The following EARS2 variants were observed in gnomAD, a reference collection of about 807,000 sequenced individuals.
EARS2 encodes the protein nondiscriminating glutamyl-tRNA synthetase EARS2, mitochondrial.
A neutral mutation model predicts 54.1 loss-of-function variants in EARS2; 50 were observed. The ratio of observed to expected loss-of-function variants is 0.92; its 90% CI spans 0.74 to 1.17. The LOEUF (loss-of-function observed/expected upper bound fraction) is 1.17. EARS2 is among the 50% of genes most tolerant of loss of function. The probability of loss-of-function intolerance (pLI) is 0.00; values close to 1 mark genes in which losing one functional copy is unlikely to be tolerated. For synonymous variants in EARS2, 298 were observed against 281.0 expected (o/e 1.06, Z -0.61); for missense variants, 673 against 675.0 (o/e 1.00, Z 0.03).
At chr16:23,552,119 G>A in intron 2 of EARS2, 30 bp downstream of exon 2, 2 of 1,604,290 alleles carry the variant, frequency 1.2e-6, no homozygotes, top group South Asian at 1.1e-5. Flanking sequence ...TTCCTTCCCT[G>A]CAGAAAGATC....
intron 2 of EARS2, 136 bp from the exon 3 acceptor site, chr16:23,544,839 CCCG>C: frequency 2.5e-6 from 2 of 810,046 alleles, no homozygotes; most frequent in Non-Finnish European, 3.7e-6. Flanking sequence ...CAATGTCCTC[CCCG>C]CCGCCTTTTT....
At chr16:23,553,768 C>T (rs1388344490) in intron 1 of EARS2, among the ~76,000 whole-genome samples, 2 of 151,860 alleles carry the variant, frequency 1.3e-5, no homozygotes, top group Admixed American at 6.6e-5. Context: ...TGGTGGTGGG[C>T]GCCTGTAATC....
At chr16:23,524,556 ACTG>A in intron 8 of EARS2, 102 bp from the exon 9 acceptor site, 1 of 959,990 alleles carries the variant, frequency 1.0e-6, no homozygotes, top group Non-Finnish European at 1.7e-6. Flanking sequence ...CAGCCCCCAC[ACTG>A]CTGCCTGTGT....
chr16:23,535,180 G>A lies in EARS2; in HGVS notation c.666C>T (p.Ser222=), dbSNP rs751626904. ...CCAGGTGGTATGTGGGGAAGCCGTC[G>A]CTCTTCATGATGACTGGGTCTCCCT... ...SVEGDPVIMK[S]DGFPTYHLAC... Residue 222 remains serine (S), a synonymous_variant, in exon 4 of 9, where the codon AGC becomes AGT. Coordinates refer to ENST00000449606, the MANE Select transcript of EARS2 (RefSeq NM_001083614.2). 47 of 1,613,574 alleles carry A rather than the reference G, an allele frequency of 2.9e-5. No individual in the cohort carries two copies. The highest frequency in any genetic ancestry group is 6.7e-5 in the African/African-American group (5 of 74,896).
chr16:23,544,887 G>T (rs568714441), intron 2 of EARS2, 184 bp from the exon 3 acceptor site: 128 of 540,930 alleles, frequency 2.4e-4, no homozygotes, highest in African/African-American at 2.3e-3. Flanking sequence ...TGTCGCCAAG[G>T]CTGGAGTGCA....
intron 3 of EARS2, among the ~76,000 whole-genome samples, chr16:23,543,552 A>G (rs1007458565): frequency 6.6e-6 from 1 of 151,964 alleles, no homozygotes; most frequent in Non-Finnish European, 1.5e-5. Context: ...TGGCCAACAC[A>G]GTGACACCCG....
At chr16:23,535,382 T>A in intron 3 of EARS2, 22 bp from the exon 4 acceptor site, 1 of 1,583,228 alleles carries the variant, frequency 6.3e-7, no homozygotes, top group Non-Finnish European at 8.5e-7. Flanking sequence ...CAGAGCAGCA[T>A]GAGTACTGTT....
At chr16:23,533,537 T>G (rs1035838013) in intron 4 of EARS2, among the ~76,000 whole-genome samples, 1 of 152,156 alleles carries the variant, frequency 6.6e-6, no homozygotes, top group Non-Finnish European at 1.5e-5. Flanking sequence ...GCTATTTATA[T>G]ATCAAGAGCC....
intron 2 of EARS2, among the ~76,000 whole-genome samples, chr16:23,548,039 GCTAACA>G (rs745582538): frequency 2.0e-5 from 3 of 151,732 alleles, no homozygotes; most frequent in Non-Finnish European, 4.4e-5. Flanking sequence ...GACCATCCTG[GCTAACA>G]CAGTGAAACC....
At chr16:23,548,638 T>C (rs1965644940) in intron 2 of EARS2, among the ~76,000 whole-genome samples, 1 of 151,998 alleles carries the variant, frequency 6.6e-6, no homozygotes, top group Non-Finnish European at 1.5e-5. Context: ...GGCTGGAGTG[T>C]AATGGCATGA....
At chr16:23,543,990 T>C (rs567309279) in intron 3 of EARS2, among the ~76,000 whole-genome samples, 1 of 152,300 alleles carries the variant, frequency 6.6e-6, no homozygotes, top group African/African-American at 2.4e-5. Context: ...TCATTATATA[T>C]ATGCAGATAT....
rs113695390 is a variant in EARS2, at chr16:23,526,803, G to T, written c.1353-1424C>A. On this transcript the variant is annotated intron_variant, in intron 7 of 8. Coordinates refer to ENST00000449606, the MANE Select transcript of EARS2 (RefSeq NM_001083614.2). ...GCAGTCCAGCTGAGCAAGATGCTCTGCCCAAAAGCTTTTGTTTCAGGAGAA... is the reference window on the plus strand; with the variant it reads ...GCAGTCCAGCTGAGCAAGATGCTCTTCCCAAAAGCTTTTGTTTCAGGAGAA... 1.9e-3 allele frequency among the ~76,000 whole-genome samples: 294 copies of T among 152,216 alleles called. 3 individuals are homozygous for T. Among genetic ancestry groups the T allele is most frequent in the African/African-American group, 7.0e-3 (290 of 41,526 alleles).
intron 3 of EARS2, among the ~76,000 whole-genome samples, chr16:23,544,168 C>T (rs1400187029): frequency 6.6e-6 from 1 of 152,178 alleles, no homozygotes; most frequent in Non-Finnish European, 1.5e-5. Flanking sequence ...GAAATGCTGG[C>T]TGCCACGCTG....
Position 23,524,468 on chromosome 16 carries a change from G to A in EARS2, c.1489-14C>T, listed in dbSNP as rs369770210. The stretch of plus-strand genomic sequence containing the variant: ...AGGAGGTCCTTGCTAAGAACAAAAA[G>A]AGCAAATATTGCCTTACTACCTTAA... On this transcript the variant is annotated splice_polypyrimidine_tract_variant and intron_variant, in intron 8 of 8. Coordinates refer to ENST00000449606, the MANE Select transcript of EARS2 (RefSeq NM_001083614.2). 377 of 1,612,132 alleles carry A rather than the reference G, an allele frequency of 2.3e-4. 1 individual carries two copies. Among genetic ancestry groups the A allele is most frequent in the Admixed American group, 3.3e-4 (20 of 59,980 alleles).
chr16:23,550,184 G>A (rs950374429), intron 2 of EARS2, among the ~76,000 whole-genome samples: 1 of 151,984 alleles, frequency 6.6e-6, no homozygotes, highest in African/African-American at 2.4e-5. Context: ...AACATAGCAA[G>A]ACCCTACCTC....
At chr16:23,546,478 T>C (rs529252398) in intron 2 of EARS2, 24 of 453,594 alleles carry the variant, frequency 5.3e-5, no homozygotes, top group Non-Finnish European at 8.4e-5. Flanking sequence ...ATGAGGATCA[T>C]CATGAGACTA....
In EARS2 at chr16:23,524,265, T is replaced by C; in HGVS notation, c.*106A>G. ...AGAGATTGTTTCCACTCTTAGTTCC[T>C]TCAGCAAACTTCCCGACGGGCCCCA... On this transcript the variant is annotated 3_prime_UTR_variant, in exon 9 of 9. Coordinates refer to ENST00000449606, the MANE Select transcript of EARS2 (RefSeq NM_001083614.2). The C allele has an allele frequency of 1.1e-6, 1 of 921,610 alleles. No homozygotes were observed. The highest frequency in any genetic ancestry group is 1.8e-6 in the Non-Finnish European group (1 of 561,102). 57.1% of individuals were successfully genotyped at this position (921,610 alleles called of 1,614,324 possible).
rs762685823 is a variant in EARS2 at position 23,544,596 on chromosome 16, C to T, written c.403G>A (p.Gly135Arg). The change falls in exon 3 of 9, where the codon GGA (glycine) becomes AGA (arginine). Residue 135 changes from glycine (G) to arginine (R), a missense_variant. Coordinates refer to ENST00000449606, the MANE Select transcript of EARS2 (RefSeq NM_001083614.2). ...GAGCAGAAACAGGGGTAAGCAGCTC[C>T]GGTCTTCAGCAGCGCTTCTGTGGCC... is the stretch of plus-strand genomic sequence containing the variant. Reference protein sequence around the residue: ...AQATEALLKTGAAYPCFCSPQ... With the variant: ...AQATEALLKTRAAYPCFCSPQ... The T allele has an allele frequency of 5.4e-5, 87 of 1,613,886 alleles. No individual in the cohort carries two copies. In the Admixed American group the frequency reaches 8.3e-4, roughly 15 times the overall value.
Position 23,552,216 on chromosome 16 carries a change from C to T in EARS2, c.228G>A (p.Glu76=). 1 of 1,614,214 alleles carries T rather than the reference C, an allele frequency of 6.2e-7. No individual in the cohort carries two copies. The highest frequency in any genetic ancestry group is 8.5e-7 in the Non-Finnish European group (1 of 1,180,034). The change falls in exon 2 of 9, where the codon GAG becomes GAA. Residue 76 remains glutamate (E), a synonymous_variant. Transcript: ENST00000449606. The part of the protein sequence containing the change: ...KYQGSFILRL[E]DTDQTRVVPG... Reference sequence around the variant, plus strand: ...GCACAACGCGAGTCTGATCTGTGTCCTCTAGCCTCAGGATGAAGCTCCCCT... The same window carrying T: ...GCACAACGCGAGTCTGATCTGTGTCTTCTAGCCTCAGGATGAAGCTCCCCT...
Sources: gnomAD v4.1 joint callset for allele counts (sites outside exome capture counted in the v4.1 genomes callset) on GRCh38, gnomAD v4.1.1 for gene constraint, MANE v1.5 for transcripts, NCBI Gene and HGNC (gene_info 2026-07-23, HGNC 2026-07-21) for gene names.